The following DOK5 variants were observed in gnomAD, a reference collection of about 807,000 sequenced individuals.
The protein encoded by DOK5 is docking protein 5.
Under a neutral mutation model 43.3 loss-of-function variants are expected in DOK5, and 27 were observed. That is an observed-to-expected ratio of 0.62 (90% confidence interval 0.46 to 0.86). DOK5 has a LOEUF of 0.86. Among genes scored for constraint, DOK5 ranks in the 40% least tolerant of loss-of-function variants. The probability of loss-of-function intolerance (pLI) is 0.00; values close to 1 mark genes in which losing one functional copy is unlikely to be tolerated. For missense variants in DOK5, 373 were observed against 392.9 expected (o/e 0.95, Z 0.43); for synonymous variants, 146 against 140.1 (o/e 1.04, Z -0.30).
At chr20:54,501,930 T>C (rs756881912) in intron 1 of DOK5, among the ~76,000 whole-genome samples, 1 of 152,254 alleles carries the variant, frequency 6.6e-6, no homozygotes, top group Non-Finnish European at 1.5e-5. Flanking sequence ...ATACTCTGAA[T>C]GTAATTTACT....
intron 1 of DOK5, among the ~76,000 whole-genome samples, chr20:54,524,608 A>G (rs984344941): frequency 1.3e-5 from 2 of 152,250 alleles, no homozygotes; most frequent in South Asian, 4.1e-4. Context: ...TCAATAGGAA[A>G]AACTGAGACC....
intron 1 of DOK5, among the ~76,000 whole-genome samples, chr20:54,496,782 A>G (rs7362286): frequency 0.037 from 5,616 of 150,654 alleles, 342 homozygotes; most frequent in African/African-American, 0.13. Flanking sequence ...AAAAAAAAAA[A>G]AAAAGAAAAA....
At chr20:54,513,895 T>A (rs1246651549) in intron 1 of DOK5, among the ~76,000 whole-genome samples, 1 of 152,184 alleles carries the variant, frequency 6.6e-6, no homozygotes, top group East Asian at 1.9e-4. Flanking sequence ...TTTTGTAAAG[T>A]TTTTTTGAAT....
Position 54,591,617 on chromosome 20 carries a change from G to A in DOK5, c.411G>A (p.Glu137=). Residue 137 remains glutamate (E), a splice_region_variant and synonymous_variant, in exon 5 of 8, where the codon GAG becomes GAA. Coordinates refer to ENST00000262593, the MANE Select transcript of DOK5 (RefSeq NM_018431.5). The stretch of plus-strand genomic sequence containing the variant: ...ACTAACCTTTTGTTTTTCTCCCAGA[G>A]AGATTCAATGTGTATTTGATGCCAT... ...LATGVEREQS[E]RFNVYLMPSP... is the part of the protein sequence containing the mutation. 1 of 1,585,632 alleles carries A rather than the reference G, an allele frequency of 6.3e-7. No individual in the cohort carries two copies. The highest frequency in any genetic ancestry group is 1.8e-5 in the Admixed American group (1 of 56,282).
At chr20:54,621,017 T>C (rs1452051200) in intron 6 of DOK5, among the ~76,000 whole-genome samples, 1 of 152,248 alleles carries the variant, frequency 6.6e-6, no homozygotes, top group African/African-American at 2.4e-5. Flanking sequence ...GAGATTCATG[T>C]ATAGTAATGA....
chr20:54,495,878 T>C (rs1280674661), intron 1 of DOK5, among the ~76,000 whole-genome samples: 1 of 151,626 alleles, frequency 6.6e-6, no homozygotes, highest in Non-Finnish European at 1.5e-5. Flanking sequence ...TGAGACGCCA[T>C]CTCAAAGAAA....
intron 1 of DOK5, among the ~76,000 whole-genome samples, chr20:54,491,603 T>G (rs1012696789): frequency 6.6e-6 from 1 of 152,144 alleles, no homozygotes; most frequent in Admixed American, 6.5e-5. Flanking sequence ...ACACCTCGGC[T>G]TCCGCTGCGG....
At chr20:54,634,531 TC>T (rs1978732642) in intron 6 of DOK5, among the ~76,000 whole-genome samples, 1 of 141,644 alleles carries the variant, frequency 7.1e-6, no homozygotes, top group Non-Finnish European at 1.5e-5. Flanking sequence ...AAGCTCTGCC[TC>T]CCGAGTTCAC....
intron 5 of DOK5, among the ~76,000 whole-genome samples, chr20:54,605,458 A>G (rs1015643622): frequency 9.2e-5 from 14 of 152,166 alleles, no homozygotes; most frequent in African/African-American, 3.1e-4. Context: ...TGCTCTGTCC[A>G]CTGGGGGCTC....
intron 1 of DOK5, among the ~76,000 whole-genome samples, chr20:54,536,999 A>T (rs536164459): frequency 6.6e-6 from 1 of 152,360 alleles, no homozygotes; most frequent in Non-Finnish European, 1.5e-5. Context: ...GTGGTGTCAG[A>T]GGAGACCTAA....
chr20:54,476,465 C>A (rs1681284135), intron 1 of DOK5, among the ~76,000 whole-genome samples: 1 of 152,076 alleles, frequency 6.6e-6, no homozygotes, highest in Non-Finnish European at 1.5e-5. Context: ...AACCCTCTGA[C>A]CCCAGGGAGA....
chr20:54,647,706 T>C (rs1008673500), intron 7 of DOK5, among the ~76,000 whole-genome samples: 15 of 150,856 alleles, frequency 9.9e-5, no homozygotes, highest in African/African-American at 3.4e-4. Context: ...GAAAGGTTAC[T>C]GTGGTCAAAC....
At chr20:54,547,930 G>A (rs978043382) in intron 1 of DOK5, among the ~76,000 whole-genome samples, 2 of 152,186 alleles carry the variant, frequency 1.3e-5, no homozygotes, top group Non-Finnish European at 2.9e-5. Flanking sequence ...CATGCATTCA[G>A]CTGTGGCAGT....
chr20:54,638,070 C>T (rs1006816525), intron 6 of DOK5, among the ~76,000 whole-genome samples: 9 of 144,232 alleles, frequency 6.2e-5, no homozygotes, highest in Non-Finnish European at 1.0e-4. Context: ...TGCAGTGAGC[C>T]GAGATCATGT....
intron 5 of DOK5, among the ~76,000 whole-genome samples, chr20:54,596,607 C>A (rs561272205): frequency 2.0e-5 from 3 of 152,118 alleles, no homozygotes; most frequent in African/African-American, 7.2e-5. Context: ...CTTAACTCAC[C>A]GAGCTTTTTT....
At chr20:54,489,470 T>A (rs1254664555) in intron 1 of DOK5, among the ~76,000 whole-genome samples, 4 of 152,112 alleles carry the variant, frequency 2.6e-5, no homozygotes, top group Non-Finnish European at 5.9e-5. Flanking sequence ...TATATAGTCT[T>A]CTGAGCCATG....
chr20:54,614,765 T>A (rs1369802825), intron 6 of DOK5, among the ~76,000 whole-genome samples: 1 of 152,216 alleles, frequency 6.6e-6, no homozygotes, highest in Non-Finnish European at 1.5e-5. Context: ...ATGAGTAAGC[T>A]TCAACATGGA....
intron 2 of DOK5, among the ~76,000 whole-genome samples, chr20:54,582,456 T>G (rs894559630): frequency 1.3e-5 from 2 of 151,542 alleles, no homozygotes; most frequent in Non-Finnish European, 3.0e-5. Context: ...TTAAATGTTT[T>G]GTGGAATACA....
At chr20:54,539,381 G>A (rs994192277) in intron 1 of DOK5, among the ~76,000 whole-genome samples, 8 of 151,050 alleles carry the variant, frequency 5.3e-5, no homozygotes, top group Admixed American at 1.3e-4. Context: ...AAGGGCAAGT[G>A]AGGGATCCTC....
Sources: allele counts gnomAD v4.1 joint callset (sites outside exome capture counted in the v4.1 genomes callset), GRCh38; gene constraint gnomAD v4.1.1; transcripts MANE v1.5; gene names NCBI Gene and HGNC (gene_info 2026-07-23, HGNC 2026-07-21).